CACNB4: variants seen among roughly 807,000 people sequenced by gnomAD.
CACNB4 encodes calcium voltage-gated channel auxiliary subunit beta 4, also known as voltage-dependent L-type calcium channel subunit beta-4.
In CACNB4, 32 loss-of-function variants were observed where a neutral mutation model predicts 71.2. The observed-to-expected ratio is 0.45, with a 90% CI of 0.34 to 0.60. CACNB4 has a LOEUF of 0.60. Among genes scored for constraint, CACNB4 ranks in the 20% least tolerant of loss-of-function variants. CACNB4 has a pLI of 0.01. For synonymous variants in CACNB4, 231 were observed against 236.9 expected (o/e 0.97, Z 0.23); for missense variants, 464 against 647.9 (o/e 0.72, Z 3.08).
chr2:151,865,339 T>C (rs1173552385), intron 9 of CACNB4, among the ~76,000 whole-genome samples: 4 of 152,214 alleles, frequency 2.6e-5, no homozygotes, highest in Admixed American at 2.6e-4. Context: ...CTTTATGTGT[T>C]CTTAGGCTAA....
intron 2 of CACNB4, among the ~76,000 whole-genome samples, chr2:151,998,614 C>T (rs1682210899): frequency 6.6e-6 from 1 of 152,144 alleles, no homozygotes; most frequent in Non-Finnish European, 1.5e-5. Context: ...ATCCACGGTG[C>T]TTATTATCCT....
At chr2:152,041,012 G>T (rs989443042) in intron 2 of CACNB4, among the ~76,000 whole-genome samples, 2 of 152,166 alleles carry the variant, frequency 1.3e-5, no homozygotes, top group African/African-American at 4.8e-5. Flanking sequence ...AAACAGCCAC[G>T]ACTGCATCGC....
At chr2:151,872,544 T>G in intron 5 of CACNB4, 51 bp from the exon 6 acceptor site, 1 of 1,029,142 alleles carries the variant, frequency 9.7e-7, no homozygotes. Flanking sequence ...TCTTTGAAAA[T>G]AGAACTTGAG....
At chr2:152,059,743 A>G (rs1685909408) in intron 2 of CACNB4, among the ~76,000 whole-genome samples, 3 of 152,226 alleles carry the variant, frequency 2.0e-5, no homozygotes, top group Admixed American at 2.0e-4. Flanking sequence ...GTGTTTTGCA[A>G]TGTGAGGACA....
chr2:151,914,749 T>C (rs1013057289), intron 2 of CACNB4, among the ~76,000 whole-genome samples: 1 of 152,188 alleles, frequency 6.6e-6, no homozygotes, highest in African/African-American at 2.4e-5. Flanking sequence ...GCAGGGCTGC[T>C]GCAGTTTGCG....
At chr2:151,979,916 G>C (rs1404074563) in intron 2 of CACNB4, among the ~76,000 whole-genome samples, 2 of 152,170 alleles carry the variant, frequency 1.3e-5, no homozygotes, top group Admixed American at 1.3e-4. Flanking sequence ...AAGGAACAGT[G>C]TCACTCATGG....
intron 2 of CACNB4, among the ~76,000 whole-genome samples, chr2:152,082,019 C>T (rs1687384547): frequency 6.6e-6 from 1 of 152,128 alleles, no homozygotes. Flanking sequence ...GATTTAAAGC[C>T]CCATTAGCTA....
chr2:151,921,895 A>G (rs2099859111), intron 2 of CACNB4, among the ~76,000 whole-genome samples: 1 of 152,100 alleles, frequency 6.6e-6, no homozygotes, highest in Non-Finnish European at 1.5e-5. Context: ...GCCTTCCGCC[A>G]TGATTCTAAG....
At chr2:151,901,041 T>C (rs2099853289) in intron 2 of CACNB4, among the ~76,000 whole-genome samples, 1 of 145,146 alleles carries the variant, frequency 6.9e-6, no homozygotes, top group East Asian at 2.1e-4. Flanking sequence ...TCGTCTAGGC[T>C]GAAATGCAGT....
intron 2 of CACNB4, among the ~76,000 whole-genome samples, chr2:151,944,073 G>A (rs1290049317): frequency 1.3e-5 from 2 of 148,390 alleles, no homozygotes; most frequent in African/African-American, 4.9e-5. Context: ...CTGTTGCCCA[G>A]GCTGGAGTGC....
chr2:151,988,383 C>CCA (rs1681492053), intron 2 of CACNB4, among the ~76,000 whole-genome samples: 1 of 152,098 alleles, frequency 6.6e-6, no homozygotes, highest in African/African-American at 2.4e-5. Context: ...CTTACTTCAC[C>CCA]CACATCCTGG....
At chr2:152,065,989 A>T (rs1686296648) in intron 2 of CACNB4, among the ~76,000 whole-genome samples, 1 of 152,250 alleles carries the variant, frequency 6.6e-6, no homozygotes, top group South Asian at 2.1e-4. Context: ...ATAGAAAACA[A>T]AGAAGAAAAG....
rs1337550238 is a variant in CACNB4 at position 151,836,746 on chromosome 2, CT to C, written c.*2372del. 1 of 151,810 alleles carries C rather than the reference CT, an allele frequency of 6.6e-6. No individual in the cohort carries two copies. The highest frequency in any genetic ancestry group is 2.4e-5 in the African/African-American group (1 of 41,402). The allele number at this position is 151,810 out of a possible 1,614,324, so 9.4% of individuals were successfully genotyped here. A position where few individuals can be genotyped will look rare whatever the true frequency, so the allele number is the denominator to read the frequency against. On this transcript the variant is annotated 3_prime_UTR_variant, in exon 14 of 14. Coordinates refer to ENST00000539935, the MANE Select transcript of CACNB4 (RefSeq NM_000726.5). ...TTGAAAAACCTTTAAAAACAAGTGA[CT>C]TTTAAAAAGTTGAAAGAAGATGGTA...
intron 9 of CACNB4, among the ~76,000 whole-genome samples, chr2:151,862,148 T>C (rs920383518): frequency 2.6e-5 from 4 of 152,170 alleles, no homozygotes; most frequent in South Asian, 2.1e-4. Context: ...TCTCTTCTGT[T>C]TTCAAACTCT....
intron 2 of CACNB4, among the ~76,000 whole-genome samples, chr2:151,975,712 A>T (rs955172414): frequency 2.0e-5 from 3 of 152,014 alleles, no homozygotes; most frequent in Non-Finnish European, 2.9e-5. Context: ...CATGTGTCAG[A>T]CTCTTATTTT....
chr2:152,056,313 A>T (rs985855443), intron 2 of CACNB4, among the ~76,000 whole-genome samples: 1 of 151,610 alleles, frequency 6.6e-6, no homozygotes, highest in Non-Finnish European at 1.5e-5. Flanking sequence ...GTGAGCCAAG[A>T]TCACGCCACT....
chr2:151,974,305 C>T (rs2099873377), intron 2 of CACNB4, among the ~76,000 whole-genome samples: 1 of 152,152 alleles, frequency 6.6e-6, no homozygotes, highest in African/African-American at 2.4e-5. Context: ...TCTCATCCAA[C>T]ATCTGTACTT....
intron 2 of CACNB4, among the ~76,000 whole-genome samples, chr2:151,899,535 A>G (rs927002842): frequency 3.3e-5 from 5 of 152,202 alleles, no homozygotes; most frequent in Non-Finnish European, 7.3e-5. Context: ...AACTATGCTT[A>G]ATTGTTTAGT....
intron 2 of CACNB4, among the ~76,000 whole-genome samples, chr2:151,895,734 T>G (rs1389829016): frequency 1.3e-5 from 2 of 152,104 alleles, no homozygotes; most frequent in Non-Finnish European, 2.9e-5. Context: ...AATGATTTGA[T>G]AGGTGACATT....
Sources: allele counts gnomAD v4.1 joint callset (sites outside exome capture counted in the v4.1 genomes callset), GRCh38; gene constraint gnomAD v4.1.1; transcripts MANE v1.5; gene names NCBI Gene and HGNC (gene_info 2026-07-23, HGNC 2026-07-21).